The following H6PD variants were observed in gnomAD, a reference collection of about 807,000 sequenced individuals.
The protein encoded by H6PD is GDH/6PGL endoplasmic bifunctional protein.
H6PD carries 48 observed loss-of-function variants against 61.2 expected under a neutral mutation model. The observed-to-expected ratio is 0.78, with a 90% CI of 0.62 to 1.00. H6PD has a LOEUF of 1.00. Ranked by LOEUF, H6PD falls within the 50% of genes least tolerant of loss-of-function variation. H6PD has a pLI of 0.00. For synonymous variants in H6PD, 480 were observed against 457.9 expected (o/e 1.05, Z -0.62); for missense variants, 1,093 against 1,065.0 (o/e 1.03, Z -0.37).
chr1:9,263,552 T>G lies in H6PD; in HGVS notation c.1059T>G (p.Pro353=), dbSNP rs754871100. 1 of 1,614,160 alleles carries G rather than the reference T, an allele frequency of 6.2e-7. No individual in the cohort carries two copies. ...ACAACCTTCGCTGGGAGGGCGTGCC[T>G]TTCATCCTGATGTCTGGCAAAGCCT... The part of the protein sequence containing the change: ...HIDNLRWEGV[P]FILMSGKALD... Residue 353 remains proline, a synonymous_variant, in exon 5 of 5, where the codon CCT becomes CCG. Coordinates refer to ENST00000377403, the MANE Select transcript of H6PD (RefSeq NM_004285.4).
At chr1:9,244,238 C>T (rs1234310961) in intron 1 of H6PD, among the ~76,000 whole-genome samples, 1 of 152,180 alleles carries the variant, frequency 6.6e-6, no homozygotes, top group Non-Finnish European at 1.5e-5. Context: ...GCATGAACTC[C>T]TTTTATCCTT....
rs145259527 is a variant in H6PD at position 9,242,891 on chromosome 1, G to A, written c.-10-2034G>A. ...TCTCCTTCTCTCCAGACGAGCGATT[G>A]CCGGTTGAGGAAAAAACGCTTGAAG... On this transcript the variant is annotated intron_variant, in intron 1 of 4. Transcript: ENST00000377403. 3,952 of 985,452 alleles carry A rather than the reference G, an allele frequency of 4.0e-3. 9 individuals carry two copies. Among genetic ancestry groups the A allele is most frequent in the Admixed American group, 5.7e-3 (93 of 16,298 alleles). 61.0% of individuals were successfully genotyped at this position (985,452 alleles called of 1,614,324 possible).
chr1:9,251,420 C>G (rs1204328562), intron 3 of H6PD, among the ~76,000 whole-genome samples: 1 of 149,192 alleles, frequency 6.7e-6, no homozygotes, highest in East Asian at 2.0e-4. Context: ...AGTTTCCCCT[C>G]TGTGTAGAAG....
chr1:9,264,760 C>T lies in H6PD; in HGVS notation c.2267C>T (p.Thr756Met), dbSNP rs201296526. 1.8e-4 allele frequency: 290 copies of T among 1,613,154 alleles called. 2 individuals carry two copies. In the East Asian group the frequency reaches 5.8e-3, roughly 32 times the overall value. ...GGCAGGATGAAGCGTGAGATCACCA[C>T]GCTGGTGAGCCGGGTGGGCCATGAG... Reference protein sequence around the residue: ...VMGRMKREITTLVSRVGHEPK... With the variant: ...VMGRMKREITMLVSRVGHEPK... Residue 756 changes from threonine to methionine, a missense_variant, in exon 5 of 5, where the codon ACG becomes ATG. Coordinates refer to ENST00000377403, the MANE Select transcript of H6PD (RefSeq NM_004285.4).
chr1:9,263,680 G>A lies in H6PD; in HGVS notation c.1187G>A (p.Arg396Gln), dbSNP rs35511555. The A allele has an allele frequency of 1.4e-4, 219 of 1,614,052 alleles. No individual in the cohort carries two copies. In the East Asian group the frequency reaches 1.8e-3, roughly 13 times the overall value. ...WAAAQSQCLPRQLVFHIGHGD... is the reference protein window; with the variant it reads ...WAAAQSQCLPQQLVFHIGHGD... ...GCGGCGCAGAGCCAGTGCCTGCCCC[G>A]GCAGCTCGTCTTCCACATCGGCCAT... The change falls in exon 5 of 5, where the codon CGG becomes CAG. Residue 396 changes from arginine to glutamine, a missense_variant. Physicochemically the swap from Arg to Gln is conservative, Grantham distance 43. Coordinates refer to ENST00000377403, the MANE Select transcript of H6PD (RefSeq NM_004285.4).
At position 9,254,915 on chromosome 1, in the gene H6PD, G is replaced by A. The variant is rs371863546; in HGVS notation, c.746-7144G>A. On this transcript the variant is annotated intron_variant, in intron 3 of 4. Coordinates refer to ENST00000377403, the MANE Select transcript of H6PD (RefSeq NM_004285.4). The surrounding 1 kb of genome is among the most constrained non-coding windows in gnomAD (Gnocchi z 4.6). ...AACCACAGAAATGCATTCTCTCTGC[G>A]GGGTTGCCTGTTCTGGATATTTTGT... 6.6e-6 allele frequency among the ~76,000 whole-genome samples: 1 copy of A among 152,250 alleles called. No individual in the cohort carries two copies. The highest frequency in any genetic ancestry group is 2.1e-4 in the South Asian group (1 of 4,828).
At chr1:9,243,141 C>G (rs1167433756) in intron 1 of H6PD, among the ~76,000 whole-genome samples, 1 of 151,918 alleles carries the variant, frequency 6.6e-6, no homozygotes, top group African/African-American at 2.4e-5. Context: ...GGGTTGGTCC[C>G]TCACTAGGAC....
intron 1 of H6PD, among the ~76,000 whole-genome samples, chr1:9,236,399 C>T (rs527765660): frequency 9.8e-4 from 149 of 152,318 alleles, no homozygotes; most frequent in Non-Finnish European, 1.5e-3. Context: ...CAGTGGCTCA[C>T]GCCTGTAATC....
Position 9,265,164 on chromosome 1 carries a change from A to G in H6PD, c.*295A>G, listed in dbSNP as rs1189052558. ...AGACCTCCAGCAGTTACACATTCAT[A>G]TCAACCAGCACAACACGGGATGGCG... On this transcript the variant is annotated 3_prime_UTR_variant, in exon 5 of 5. Coordinates refer to ENST00000377403, the MANE Select transcript of H6PD (RefSeq NM_004285.4). 4 of 507,330 alleles carry G rather than the reference A, an allele frequency of 7.9e-6. No individual in the cohort carries two copies. The highest frequency in any genetic ancestry group is 1.4e-5 in the Non-Finnish European group (4 of 277,592). 31.4% of individuals were successfully genotyped at this position (507,330 alleles called of 1,614,324 possible).
At chr1:9,260,822 A>C (rs1340629596) in intron 3 of H6PD, among the ~76,000 whole-genome samples, 2 of 151,694 alleles carry the variant, frequency 1.3e-5, no homozygotes, top group African/African-American at 4.9e-5. Context: ...ACACCTGACA[A>C]CTGGACATCT....
At chr1:9,258,027 GC>G (rs1641574416) in intron 3 of H6PD, among the ~76,000 whole-genome samples, 1 of 152,232 alleles carries the variant, frequency 6.6e-6, no homozygotes, top group South Asian at 2.1e-4. Flanking sequence ...GTCTGCTTCT[GC>G]CCCCGCGCCT....
In H6PD at chr1:9,245,426, G is replaced by A. The variant is rs774081825; in HGVS notation, c.492G>A (p.Pro164=). ...TCAACAGTAGCTGCCGGCCAGGCCCGGGCGCCTGGCTGCGGGTTGTCCTTG... is the reference window on the plus strand; with the variant it reads ...TCAACAGTAGCTGCCGGCCAGGCCCAGGCGCCTGGCTGCGGGTTGTCCTTG... ...RNINSSCRPG[P]GAWLRVVLEK... The change falls in exon 2 of 5, where the codon CCG becomes CCA. Residue 164 remains proline (P), a synonymous_variant. Transcript: ENST00000377403. The surrounding 1 kb of genome is among the most constrained non-coding windows in gnomAD (Gnocchi z 4.8). 9.9e-6 allele frequency: 16 copies of A among 1,613,940 alleles called. No individual in the cohort carries two copies. In the South Asian group the frequency reaches 1.2e-4, roughly 12 times the overall value.
intron 3 of H6PD, among the ~76,000 whole-genome samples, chr1:9,251,019 C>T (rs1047882546): frequency 2.6e-5 from 4 of 152,224 alleles, no homozygotes; most frequent in African/African-American, 7.2e-5. Flanking sequence ...CCCTCTCAGC[C>T]TGACCTGGGG....
chr1:9,246,903 G>C, intron 2 of H6PD, 63 bp from the exon 3 acceptor site: 1 of 1,153,232 alleles, frequency 8.7e-7, no homozygotes, highest in Non-Finnish European at 1.3e-6. Context: ...CTTCCCGGGA[G>C]TCAGGGTTCC....
At position 9,264,751 on chromosome 1, in the gene H6PD, A is replaced by C. The variant is rs750339787; in HGVS notation, c.2258A>C (p.Glu753Ala). 3.7e-6 allele frequency: 6 copies of C among 1,613,182 alleles called. No individual in the cohort carries two copies. The East Asian group carries it at 1.1e-4, about 30-fold the overall frequency. The part of the protein sequence containing the change: ...AVLVMGRMKR[E>A]ITTLVSRVGH... ...CTGGTCATGGGCAGGATGAAGCGTG[A>C]GATCACCACGCTGGTGAGCCGGGTG... Residue 753 changes from glutamate to alanine, a missense_variant, in exon 5 of 5, where the codon GAG becomes GCG. Coordinates refer to ENST00000377403, the MANE Select transcript of H6PD (RefSeq NM_004285.4).
chr1:9,240,626 C>A (rs1570078192), intron 1 of H6PD, among the ~76,000 whole-genome samples: 1 of 152,198 alleles, frequency 6.6e-6, no homozygotes. Context: ...AATGCCCCCT[C>A]CCCTTACAGC....
At chr1:9,261,653 A>T (rs1557748456) in intron 3 of H6PD, among the ~76,000 whole-genome samples, 2 of 152,074 alleles carry the variant, frequency 1.3e-5, no homozygotes, top group Non-Finnish European at 2.9e-5. Context: ...AGTGGCAGTC[A>T]TACTCTGGGG....
intron 3 of H6PD, among the ~76,000 whole-genome samples, chr1:9,251,314 C>T (rs931605588): frequency 6.6e-6 from 1 of 152,224 alleles, no homozygotes; most frequent in Non-Finnish European, 1.5e-5. Context: ...GCCTGAGCCT[C>T]TAACCACTGA....
rs116493689 is a variant in H6PD, at chr1:9,264,218, T to C, written c.1725T>C (p.Ala575=). The change falls in exon 5 of 5, where the codon GCT becomes GCC. Residue 575 remains alanine (A), a synonymous_variant. Coordinates refer to ENST00000377403, the MANE Select transcript of H6PD (RefSeq NM_004285.4). The part of the protein sequence containing the change: ...SKLANDIEAT[A]VRAVRRFGQF... ...TGGCTAATGACATCGAGGCCACCGCTGTGCGAGCCGTGCGGCGCTTTGGCC... is the reference window on the plus strand; with the variant it reads ...TGGCTAATGACATCGAGGCCACCGCCGTGCGAGCCGTGCGGCGCTTTGGCC... 1,048 of 1,610,698 alleles carry C rather than the reference T, an allele frequency of 6.5e-4. 11 individuals are homozygous for C. In the African/African-American group the frequency reaches 0.013, roughly 19 times the overall value.
Sources: gnomAD v4.1 joint callset for allele counts (sites outside exome capture counted in the v4.1 genomes callset) on GRCh38, gnomAD v4.1.1 for gene constraint, Gnocchi (gnomAD v3.1) non-coding constraint, MANE v1.5 for transcripts, NCBI Gene and HGNC (gene_info 2026-07-23, HGNC 2026-07-21) for gene names.